KLF12: variants seen among roughly 807,000 people sequenced by gnomAD.
KLF12 encodes Krueppel-like factor 12.
KLF12 carries 9 observed loss-of-function variants against 37.8 expected under a neutral mutation model. That is an observed-to-expected ratio of 0.24 (90% CI 0.14 to 0.42). The LOEUF (loss-of-function observed/expected upper bound fraction) is 0.42. Among genes scored for constraint, KLF12 ranks in the 10% least tolerant of loss-of-function variants. The probability of loss-of-function intolerance (pLI) is 1.00; values close to 1 mark genes in which losing one functional copy is unlikely to be tolerated. For missense variants in KLF12, 411 were observed against 516.0 expected, an observed-to-expected ratio of 0.80 and a Z score of 1.97; for synonymous variants, 208 against 202.1, an observed-to-expected ratio of 1.03 and a Z score of -0.25.
chr13:73,933,953 T>C (rs753972493), intron 3 of KLF12, among the ~76,000 whole-genome samples: 10 of 152,150 alleles, frequency 6.6e-5, no homozygotes, highest in Non-Finnish European at 1.3e-4. Context: ...TAGAGCTTTT[T>C]TCATCTTACA....
chr13:74,111,876 A>G (rs1238406104), intron 1 of KLF12, among the ~76,000 whole-genome samples: 2 of 152,228 alleles, frequency 1.3e-5, no homozygotes, highest in Non-Finnish European at 2.9e-5. Context: ...AGGCAAATAT[A>G]TTACAGAAAA....
intron 3 of KLF12, among the ~76,000 whole-genome samples, chr13:73,922,822 A>G (rs1889182351): frequency 6.6e-6 from 1 of 152,214 alleles, no homozygotes; most frequent in African/African-American, 2.4e-5. Flanking sequence ...TCAGAAAAAT[A>G]CATGCCAGAA....
At chr13:74,139,335 C>G in the KLF12 span, among the ~76,000 whole-genome samples, 3 of 152,286 alleles carry the variant, frequency 2.0e-5, no homozygotes, top group Admixed American at 2.0e-4. Context: ...TTTCTTTTAC[C>G]CTCACACTGT....
chr13:73,940,905 G>A (rs1890157380), intron 3 of KLF12, among the ~76,000 whole-genome samples: 1 of 152,146 alleles, frequency 6.6e-6, no homozygotes, highest in Non-Finnish European at 1.5e-5. Flanking sequence ...TGGAGGGGTG[G>A]GGAGACATGC....
At chr13:74,280,808 T>C in the KLF12 span, among the ~76,000 whole-genome samples, 1 of 141,782 alleles carries the variant, frequency 7.1e-6, no homozygotes, top group Non-Finnish European at 1.5e-5. Flanking sequence ...ACCATACTCA[T>C]CTTTTTTTTC....
At chr13:73,853,071 G>C (rs926253553) in intron 3 of KLF12, among the ~76,000 whole-genome samples, 6 of 151,926 alleles carry the variant, frequency 3.9e-5, no homozygotes, top group Admixed American at 3.9e-4. Context: ...GTTTCACCGT[G>C]TTAGCCAGGA....
chr13:74,008,191 T>C (rs930955207), intron 1 of KLF12, among the ~76,000 whole-genome samples: 2 of 152,320 alleles, frequency 1.3e-5, no homozygotes, highest in Admixed American at 1.3e-4. Flanking sequence ...ACAAAAACTT[T>C]CCTGTAAGAT....
At chr13:73,700,999 T>C (rs558487871) in intron 7 of KLF12, among the ~76,000 whole-genome samples, 1 of 152,358 alleles carries the variant, frequency 6.6e-6, no homozygotes, top group East Asian at 1.9e-4. Context: ...TATGTGTAAA[T>C]GAGCCCTGAA....
chr13:74,114,678 A>T (rs1313782915), intron 1 of KLF12, among the ~76,000 whole-genome samples: 3 of 152,198 alleles, frequency 2.0e-5, no homozygotes, highest in African/African-American at 7.2e-5. Context: ...GGCAGCATCA[A>T]GTTGTCAACG....
chr13:74,010,966 AT>A (rs952136055), intron 1 of KLF12, among the ~76,000 whole-genome samples: 6 of 152,192 alleles, frequency 3.9e-5, no homozygotes, highest in Non-Finnish European at 8.8e-5. Flanking sequence ...ACTTATGTAG[AT>A]TTTTTGGCTT....
At chr13:74,000,685 A>G (rs1225156145) in intron 1 of KLF12, among the ~76,000 whole-genome samples, 3 of 152,200 alleles carry the variant, frequency 2.0e-5, no homozygotes, top group African/African-American at 4.8e-5. Flanking sequence ...CTGAATACAC[A>G]GCCCATTTTC....
the KLF12 span, among the ~76,000 whole-genome samples, chr13:74,192,074 C>A: frequency 6.6e-6 from 1 of 151,844 alleles, no homozygotes; most frequent in Non-Finnish European, 1.5e-5. Context: ...GCCTTGTAAA[C>A]AAAAGGCAGC....
the KLF12 span, among the ~76,000 whole-genome samples, chr13:74,287,395 A>AGAGAGAGAGAGAG: frequency 4.2e-3 from 619 of 147,012 alleles, no homozygotes; most frequent in East Asian, 6.1e-3. Context: ...AGAGAGAGAG[A>AGAGAGAGAGAGAG]ATCCACCTCT....
At position 74,087,914 on chromosome 13, in the gene KLF12, C is replaced by T. The variant is rs975132046; in HGVS notation, c.-32+45825G>A. 1.4e-4 allele frequency among the ~76,000 whole-genome samples: 21 copies of T among 152,096 alleles called. 1 individual carries two copies. The highest frequency in any genetic ancestry group is 4.3e-4 in the African/African-American group (18 of 41,408). On this transcript the variant is annotated intron_variant, in intron 1 of 7. Coordinates refer to ENST00000377669, the MANE Select transcript of KLF12 (RefSeq NM_007249.5). ...CAGTTAATAAGCAGAAAAGAAGGAA[C>T]TGCCCATTTCCTGCACTCAAGTGCA...
the KLF12 span, among the ~76,000 whole-genome samples, chr13:74,270,716 T>C: frequency 6.6e-6 from 1 of 152,162 alleles, no homozygotes; most frequent in Non-Finnish European, 1.5e-5. Context: ...ATCTCCAAAA[T>C]TGTAGCTGGT....
chr13:74,091,481 T>A (rs924103658), intron 1 of KLF12, among the ~76,000 whole-genome samples: 1 of 152,234 alleles, frequency 6.6e-6, no homozygotes, highest in Non-Finnish European at 1.5e-5. Context: ...CATGTAAGTT[T>A]CCTCTATGTC....
the KLF12 span, among the ~76,000 whole-genome samples, chr13:74,173,781 C>A: frequency 1.3e-5 from 2 of 152,262 alleles, no homozygotes; most frequent in East Asian, 3.9e-4. Flanking sequence ...TCCTTTATGG[C>A]AATACTGAAG....
intron 1 of KLF12, among the ~76,000 whole-genome samples, chr13:74,058,650 T>C (rs1873399216): frequency 6.6e-6 from 1 of 152,162 alleles, no homozygotes; most frequent in African/African-American, 2.4e-5. Flanking sequence ...AATTTTATCA[T>C]TTAAATAATA....
chr13:74,052,640 T>C (rs1436662617), intron 1 of KLF12, among the ~76,000 whole-genome samples: 2 of 152,166 alleles, frequency 1.3e-5, no homozygotes, highest in African/African-American at 2.4e-5. Context: ...GTTTCCACTC[T>C]AGCTTCCTAA....
Sources: allele counts gnomAD v4.1 joint callset (sites outside exome capture counted in the v4.1 genomes callset), GRCh38; gene constraint gnomAD v4.1.1; transcripts MANE v1.5; gene names NCBI Gene and HGNC (gene_info 2026-07-23, HGNC 2026-07-21).